The following PAQR9 variants were observed in gnomAD, a reference collection of about 807,000 sequenced individuals.
PAQR9 encodes progestin and adipoQ receptor family member 9.
Under a neutral mutation model 24.0 loss-of-function variants are expected in PAQR9, and 12 were observed. That is an observed-to-expected ratio of 0.50 (90% CI 0.32 to 0.81). The LOEUF is 0.81. PAQR9 is among the 30% of genes least tolerant of loss of function. PAQR9 has a pLI of 0.03. For synonymous variants in PAQR9, 266 were observed against 237.6 expected (o/e 1.12, Z -1.10); for missense variants, 418 against 520.8 (o/e 0.80, Z 1.92).
In PAQR9 at chr3:142,958,582, T is replaced by TC. The variant is rs1164259068; in HGVS notation, c.*3620dup. Among the ~76,000 whole-genome samples, 3 of 152,204 alleles carry TC rather than the reference T, an allele frequency of 2.0e-5. No homozygotes were observed. Among genetic ancestry groups the TC allele is most frequent in the Non-Finnish European group, 4.4e-5 (3 of 68,028 alleles). ...GTTAGTCCTCAGAGTTGGCACCAAA[T>TC]CAGGAAAAAATGATATAAATCACCT... On this transcript the variant is annotated 3_prime_UTR_variant, in exon 1 of 1. Coordinates refer to ENST00000340634, the MANE Select transcript of PAQR9 (RefSeq NM_198504.4).
Position 142,963,616 on chromosome 3 carries a change from C to A in PAQR9, c.-280G>T. The A allele has an allele frequency of 1.3e-6, 1 of 752,320 alleles. No homozygotes were observed. The highest frequency in any genetic ancestry group is 1.6e-6 in the Non-Finnish European group (1 of 619,188). 46.6% of individuals were successfully genotyped at this position (752,320 alleles called of 1,614,324 possible). On this transcript the variant is annotated 5_prime_UTR_variant, in exon 1 of 1. Coordinates refer to ENST00000340634, the MANE Select transcript of PAQR9 (RefSeq NM_198504.4). ...CCCCTGCTACCGGCGCGCGGCCGCC[C>A]GCGCTGCGGCAGCGGCGGCGGCGCG...
rs1222470990 is a variant in PAQR9 at position 142,962,827 on chromosome 3, C to T, written c.510G>A (p.Val170=). ...SISYYGFGST[V]AYYYYLLPGL... The stretch of plus-strand genomic sequence containing the variant: ...CTGGCAACAGGTAGTAGTAGTAGGC[C>T]ACCGTGCTGCCGAAGCCGTAGTAGC... The change falls in exon 1 of 1, where the codon GTG becomes GTA. Residue 170 remains valine, a synonymous_variant. Coordinates refer to ENST00000340634, the MANE Select transcript of PAQR9 (RefSeq NM_198504.4). 1.2e-6 allele frequency: 2 copies of T among 1,612,948 alleles called. No individual in the cohort carries two copies. Among genetic ancestry groups the T allele is most frequent in the South Asian group, 2.2e-5 (2 of 91,046 alleles).
At position 142,962,549 on chromosome 3, in the gene PAQR9, A is replaced by G. The variant is rs774422220; in HGVS notation, c.788T>C (p.Leu263Pro). Reference protein sequence around the residue: ...MACPIMLESWLFDLRGENPTL... With the variant: ...MACPIMLESWPFDLRGENPTL... ...GGGGTTCTCCCCACGCAGGTCGAAGAGCCAGCTCTCGAGCATAATGGGGCA... is the reference window on the plus strand; with the variant it reads ...GGGGTTCTCCCCACGCAGGTCGAAGGGCCAGCTCTCGAGCATAATGGGGCA... Residue 263 changes from leucine to proline, a missense_variant, in exon 1 of 1, where the codon CTC (leucine) becomes CCC (proline). Transcript: ENST00000340634. The G allele has an allele frequency of 1.2e-6, 2 of 1,613,942 alleles. No homozygotes were observed. Among genetic ancestry groups the G allele is most frequent in the Non-Finnish European group, 1.7e-6 (2 of 1,180,018 alleles).
At chr3:142,952,996 C>T (rs1934739685), downstream of PAQR9, 1 of 414,338 alleles carries the variant, frequency 2.4e-6, no homozygotes, top group African/African-American at 2.1e-5. Flanking sequence ...AATGGAGCAG[C>T]CCTCTTAGGA....
chr3:142,961,996 C>G lies in PAQR9; in HGVS notation c.*207G>C. ...CAAGAACAAGTGACTATCTCCCTCCCGCTTGACCACCCCTGCCAACCTCCC... is the reference window on the plus strand; with the variant it reads ...CAAGAACAAGTGACTATCTCCCTCCGGCTTGACCACCCCTGCCAACCTCCC... On this transcript the variant is annotated 3_prime_UTR_variant, in exon 1 of 1. Transcript: ENST00000340634. 1.7e-6 allele frequency: 1 copy of G among 587,406 alleles called. No individual in the cohort carries two copies. The highest frequency in any genetic ancestry group is 3.0e-5 in the East Asian group (1 of 32,950). 36.4% of individuals were successfully genotyped at this position (587,406 alleles called of 1,614,324 possible).
downstream of PAQR9, chr3:142,951,941 G>C: frequency 5.4e-6 from 2 of 367,712 alleles, no homozygotes; most frequent in Non-Finnish European, 1.1e-5. Context: ...AATCATTCTA[G>C]TGAGCTTAAT....
chr3:142,963,749 C>G (rs1934968059), upstream of PAQR9: 2 of 919,058 alleles, frequency 2.2e-6, no homozygotes, highest in Non-Finnish European at 2.6e-6. Context: ...AGCCGAGGCG[C>G]GGAGGGAGGG....
rs569888461 is a variant in PAQR9 at position 142,955,716 on chromosome 3, C to T, written c.*6487G>A. 6.6e-6 allele frequency among the ~76,000 whole-genome samples: 1 copy of T among 152,216 alleles called. No homozygotes were observed. The highest frequency in any genetic ancestry group is 1.5e-5 in the Non-Finnish European group (1 of 68,024). On this transcript the variant is annotated 3_prime_UTR_variant, in exon 1 of 1. Coordinates refer to ENST00000340634, the MANE Select transcript of PAQR9 (RefSeq NM_198504.4). ...TTGGCGAGAATAATTTTGTTCATAG[C>T]CTCCAGAAAAGAAAACTAGCCTGTT... is the stretch of plus-strand genomic sequence containing the variant.
At position 142,962,892 on chromosome 3, in the gene PAQR9, G is replaced by A. The variant is rs377714272; in HGVS notation, c.445C>T (p.Leu149=). 4.3e-6 allele frequency: 7 copies of A among 1,613,680 alleles called. No individual in the cohort carries two copies. The African/African-American group carries it at 6.7e-5, about 15-fold the overall frequency. The part of the protein sequence containing the change: ...AHVFSCLSLR[L]RAAFFYLDYA... The stretch of plus-strand genomic sequence containing the variant: ...TCCAGGTAGAAGAAGGCGGCGCGCA[G>A]ACGCAGCGACAGGCAGCTGAACACG... The change falls in exon 1 of 1, where the codon CTG becomes TTG. Residue 149 remains leucine (L), a synonymous_variant. Transcript: ENST00000340634.
In PAQR9 at chr3:142,961,752, C is replaced by G. The variant is rs1934893564; in HGVS notation, c.*451G>C. ...TGCCTGTTTCCTACAAAGCTCCATT[C>G]TTTTGACAAATCCAAGCATTCCTCA... On this transcript the variant is annotated 3_prime_UTR_variant, in exon 1 of 1. Transcript: ENST00000340634. 2 of 164,406 alleles carry G rather than the reference C, an allele frequency of 1.2e-5. No homozygotes were observed. Among genetic ancestry groups the G allele is most frequent in the African/African-American group, 4.8e-5 (2 of 41,528 alleles). The allele number at this position is 164,406 out of a possible 1,614,324, so 10.2% of individuals were successfully genotyped here.
downstream of PAQR9, chr3:142,949,940 T>C (rs903518924): frequency 6.6e-6 from 1 of 152,220 alleles, no homozygotes; most frequent in African/African-American, 2.4e-5. Context: ...TAGAAGTTTC[T>C]AGTGACATAG....
At chr3:142,953,755 C>T (rs1372684062), downstream of PAQR9, among the ~76,000 whole-genome samples, 1 of 152,192 alleles carries the variant, frequency 6.6e-6, no homozygotes, top group African/African-American at 2.4e-5. Flanking sequence ...CCATGCGGTT[C>T]TGGAAAGGGC....
downstream of PAQR9, among the ~76,000 whole-genome samples, chr3:142,954,213 C>T (rs1191870703): frequency 1.3e-5 from 2 of 152,224 alleles, no homozygotes; most frequent in Non-Finnish European, 2.9e-5. Flanking sequence ...TAAGTTCACA[C>T]ACATCACCAA....
In PAQR9 at chr3:142,960,195, C is replaced by T. The variant is rs1258671050; in HGVS notation, c.*2008G>A. On this transcript the variant is annotated 3_prime_UTR_variant, in exon 1 of 1. Transcript: ENST00000340634. ...CATATATAAATTTAACTTCTATGTGCAAAGTAACACACACAAGGATACCGG... is the reference window on the plus strand; with the variant it reads ...CATATATAAATTTAACTTCTATGTGTAAAGTAACACACACAAGGATACCGG... Among the ~76,000 whole-genome samples the T allele has an allele frequency of 6.6e-6, 1 of 152,152 alleles. No homozygotes were observed. The highest frequency in any genetic ancestry group is 6.5e-5 in the Admixed American group (1 of 15,274).
downstream of PAQR9, among the ~76,000 whole-genome samples, chr3:142,950,945 G>A (rs1483372030): frequency 1.3e-5 from 2 of 152,344 alleles, no homozygotes; most frequent in East Asian, 3.9e-4. Context: ...TTCTCACCCA[G>A]TGTTAGAATT....
At position 142,958,213 on chromosome 3, in the gene PAQR9, T is replaced by C. The variant is rs541854632; in HGVS notation, c.*3990A>G. ...CCATTTTAAGTGGCTGATAACATTT[T>C]GTTTGAGATATTTTGATCTAATTTC... On this transcript the variant is annotated 3_prime_UTR_variant, in exon 1 of 1. Transcript: ENST00000340634. Among the ~76,000 whole-genome samples the C allele has an allele frequency of 6.6e-6, 1 of 152,364 alleles. No individual in the cohort carries two copies. The highest frequency in any genetic ancestry group is 2.1e-4 in the South Asian group (1 of 4,832).
Position 142,962,624 on chromosome 3 carries a change from T to TAGGTACAC in PAQR9, c.705_712dup (p.Tyr238CysfsTer58). ...GACGAAGGTGCGCAGCGCGAACGGGTAGGTACACCAGTCGGTACGGCTCTT... is the reference window on the plus strand; with the variant it reads ...GACGAAGGTGCGCAGCGCGAACGGGTAGGTACACAGGTACACCAGTCGGTACGGCTCTT... On this transcript the variant is annotated frameshift_variant, in exon 1 of 1. Coordinates refer to ENST00000340634, the MANE Select transcript of PAQR9 (RefSeq NM_198504.4). LOFTEE classifies it high-confidence loss of function. 1 of 1,612,638 alleles carries TAGGTACAC rather than the reference T, an allele frequency of 6.2e-7. No individual in the cohort carries two copies.
At chr3:142,949,511 A>G (rs909789957) in exon 3 of PAQR9, 2 of 152,234 alleles carry the variant, frequency 1.3e-5, no homozygotes, top group Non-Finnish European at 2.9e-5. Flanking sequence ...AAGTATCAAG[A>G]TAGAGAGAAT....
At chr3:142,954,484 CTTGT>C (rs1049246066), downstream of PAQR9, among the ~76,000 whole-genome samples, 16 of 152,108 alleles carry the variant, frequency 1.1e-4, no homozygotes, top group African/African-American at 3.9e-4. Context: ...TTTTTCTTAT[CTTGT>C]TTATTAGTGT....
Sources: allele counts gnomAD v4.1 joint callset (sites outside exome capture counted in the v4.1 genomes callset), GRCh38; gene constraint gnomAD v4.1.1; transcripts MANE v1.5; gene names NCBI Gene and HGNC (gene_info 2026-07-23, HGNC 2026-07-21).